The following KDSR variants were observed in gnomAD, a reference collection of about 807,000 sequenced individuals.
The protein encoded by KDSR is 3-dehydrosphinganine reductase.
In KDSR, 23 loss-of-function variants were observed where a neutral mutation model predicts 41.3. The ratio of observed to expected loss-of-function variants is 0.56; its 90% CI spans 0.40 to 0.79. KDSR has a LOEUF of 0.79. KDSR is among the 30% of genes least tolerant of loss of function. The pLI is 0.00. For synonymous variants in KDSR, 138 were observed against 151.7 expected (o/e 0.91, Z 0.66); for missense variants, 351 against 416.8 (o/e 0.84, Z 1.37).
chr18:63,358,814 C>CAAAAA (rs10652370), intron 3 of KDSR, among the ~76,000 whole-genome samples: 18,866 of 62,158 alleles, frequency 0.3, 4,592 homozygotes, highest in Non-Finnish European at 0.4. Context: ...GACTCTGTCT[C>CAAAAA]AAAAAAAAAA....
chr18:63,364,712 G>A (rs1915085759), intron 1 of KDSR, among the ~76,000 whole-genome samples: 1 of 152,174 alleles, frequency 6.6e-6, no homozygotes, highest in African/African-American at 2.4e-5. Context: ...CCAAAGTGCT[G>A]GGATTATAGG....
chr18:63,357,557 T>C (rs1568282536), intron 3 of KDSR, among the ~76,000 whole-genome samples: 1 of 112,536 alleles, frequency 8.9e-6, no homozygotes, highest in African/African-American at 3.2e-5. Flanking sequence ...TATATATACA[T>C]ACATACATAC....
rs757721587 is a variant in KDSR, at chr18:63,367,150, G to A, written c.-32C>T. The A allele has an allele frequency of 8.4e-7, 1 of 1,196,548 alleles. No homozygotes were observed. Among genetic ancestry groups the A allele is most frequent in the South Asian group, 4.0e-5 (1 of 25,194 alleles). 74.1% of individuals were successfully genotyped at this position (1,196,548 alleles called of 1,614,324 possible). ...GCGGGGCCAGGGGCCCGGAGCGGCC[G>A]GGCGGGGGCCGCCGGGCAAGGCGCG... On this transcript the variant is annotated 5_prime_UTR_variant, in exon 1 of 10. Coordinates refer to ENST00000645214, the MANE Select transcript of KDSR (RefSeq NM_002035.4).
At chr18:63,351,806 C>T (rs538297992) in intron 5 of KDSR, among the ~76,000 whole-genome samples, 14 of 151,924 alleles carry the variant, frequency 9.2e-5, no homozygotes, top group East Asian at 5.8e-4. Context: ...TTTTTAGAGA[C>T]GGGGTCTCAC....
At chr18:63,334,507 T>C (rs1485965046) in intron 9 of KDSR, among the ~76,000 whole-genome samples, 1 of 152,138 alleles carries the variant, frequency 6.6e-6, no homozygotes, top group Non-Finnish European at 1.5e-5. Context: ...TCCGCCACCA[T>C]GCCCAGCTAA....
chr18:63,344,352 G>C (rs1282843634), intron 7 of KDSR, 58 bp downstream of exon 7: 5 of 1,215,074 alleles, frequency 4.1e-6, no homozygotes, highest in Non-Finnish European at 6.1e-6. Context: ...AGAGTAGAAA[G>C]AAAATCAGAA....
rs1204744737 is a variant in KDSR, at chr18:63,335,251, G to A, written c.879+6C>T. On this transcript the variant is annotated splice_donor_region_variant and intron_variant, in intron 9 of 9. Transcript: ENST00000645214. ...CTGTCTGATTGCTAGCCTAGGCAGA[G>A]CTTACCTGCTGGAGCCCCTCAGTAA... The A allele has an allele frequency of 6.3e-7, 1 of 1,599,266 alleles. No homozygotes were observed. Among genetic ancestry groups the A allele is most frequent in the South Asian group, 1.1e-5 (1 of 90,696 alleles).
Position 63,328,949 on chromosome 18 carries a change from T to C in KDSR, c.*2833A>G. 1 of 193,410 alleles carries C rather than the reference T, an allele frequency of 5.2e-6. No homozygotes were observed. The highest frequency in any genetic ancestry group is 1.1e-5 in the Non-Finnish European group (1 of 92,776). The allele number at this position is 193,410 out of a possible 1,614,324, so 12.0% of individuals were successfully genotyped here. A position where few individuals can be genotyped will look rare whatever the true frequency, so the allele number is the denominator to read the frequency against. On this transcript the variant is annotated 3_prime_UTR_variant, in exon 10 of 10. Coordinates refer to ENST00000645214, the MANE Select transcript of KDSR (RefSeq NM_002035.4). ...TTTAAACTGAATGATAATTAAACGT[T>C]TACTACCATAGGTAATATTTACGCA...
At chr18:63,356,843 T>C (rs765766738) in intron 3 of KDSR, among the ~76,000 whole-genome samples, 5 of 152,202 alleles carry the variant, frequency 3.3e-5, no homozygotes, top group Non-Finnish European at 5.9e-5. Context: ...AGCTGGTGTT[T>C]TTCCAATGCT....
At chr18:63,353,242 T>C (rs1914706640) in intron 5 of KDSR, among the ~76,000 whole-genome samples, 1 of 152,012 alleles carries the variant, frequency 6.6e-6, no homozygotes, top group Non-Finnish European at 1.5e-5. Flanking sequence ...AACGCCTGTG[T>C]TTACTTTGGC....
intron 8 of KDSR, among the ~76,000 whole-genome samples, chr18:63,337,090 GAC>G: frequency 3.0e-5 from 1 of 33,788 alleles, no homozygotes; most frequent in Non-Finnish European, 9.5e-5. Context: ...ATATATATGT[GAC>G]TTTATATATA....
intron 8 of KDSR, among the ~76,000 whole-genome samples, chr18:63,337,354 G>A (rs1914205657): frequency 6.6e-6 from 1 of 152,050 alleles, no homozygotes; most frequent in South Asian, 2.1e-4. Context: ...GACTTCAGGT[G>A]ATCCGCCCGC....
Position 63,331,256 on chromosome 18 carries a change from C to A in KDSR, c.*526G>T, listed in dbSNP as rs1359156862. The A allele has an allele frequency of 4.6e-6, 1 of 218,248 alleles. No homozygotes were observed. Among genetic ancestry groups the A allele is most frequent in the African/African-American group, 2.4e-5 (1 of 42,544 alleles). 13.5% of individuals were successfully genotyped at this position (218,248 alleles called of 1,614,324 possible). A position where few individuals can be genotyped will look rare whatever the true frequency, so the allele number is the denominator to read the frequency against. On this transcript the variant is annotated 3_prime_UTR_variant, in exon 10 of 10. Coordinates refer to ENST00000645214, the MANE Select transcript of KDSR (RefSeq NM_002035.4). ...TCCAACTCATCTTGAATAAAATACA[C>A]AAAGAAAGAAAGAGAGAGAGAGAGA...
chr18:63,334,036 T>A (rs1914087666), intron 9 of KDSR, among the ~76,000 whole-genome samples: 1 of 152,104 alleles, frequency 6.6e-6, no homozygotes, highest in African/African-American at 2.4e-5. Flanking sequence ...GATTCTGGAG[T>A]TCCTACTAAG....
At chr18:63,357,302 T>C (rs1000600774) in intron 3 of KDSR, among the ~76,000 whole-genome samples, 1 of 152,130 alleles carries the variant, frequency 6.6e-6, no homozygotes, top group Non-Finnish European at 1.5e-5. Flanking sequence ...ATTCCATTTC[T>C]GGGTATGTAC....
At position 63,331,621 on chromosome 18, in the gene KDSR, C is replaced by T. The variant is rs1222507998; in HGVS notation, c.*161G>A. 3.3e-6 allele frequency: 2 copies of T among 611,432 alleles called. No homozygotes were observed. The highest frequency in any genetic ancestry group is 2.8e-6 in the Non-Finnish European group (1 of 353,064). The allele number at this position is 611,432 out of a possible 1,614,324, so 37.9% of individuals were successfully genotyped here. A position where few individuals can be genotyped will look rare whatever the true frequency, so the allele number is the denominator to read the frequency against. On this transcript the variant is annotated 3_prime_UTR_variant, in exon 10 of 10. Coordinates refer to ENST00000645214, the MANE Select transcript of KDSR (RefSeq NM_002035.4). ...ATTAATAATACTGTCAGGAGGTGAA[C>T]TTCTAGCCCCTTGCTTGCAGCCACA...
intron 8 of KDSR, among the ~76,000 whole-genome samples, chr18:63,336,810 T>C (rs555148776): frequency 6.6e-5 from 10 of 152,074 alleles, no homozygotes; most frequent in Non-Finnish European, 1.5e-4. Context: ...AGAATGTCCA[T>C]AATTATCTGA....
At chr18:63,344,289 T>C (rs1161756187) in intron 7 of KDSR, 121 bp downstream of exon 7, 2 of 613,690 alleles carry the variant, frequency 3.3e-6, no homozygotes. Flanking sequence ...AGAAACCAGC[T>C]AGGCACTCTA....
At chr18:63,362,041 C>T (rs1915002863) in intron 2 of KDSR, among the ~76,000 whole-genome samples, 1 of 152,120 alleles carries the variant, frequency 6.6e-6, no homozygotes. Flanking sequence ...TCCATCATTC[C>T]TCCCTTCATT....
Sources: gnomAD v4.1 joint callset for allele counts (sites outside exome capture counted in the v4.1 genomes callset) on GRCh38, gnomAD v4.1.1 for gene constraint, MANE v1.5 for transcripts, NCBI Gene and HGNC (gene_info 2026-07-23, HGNC 2026-07-21) for gene names.